Variants in RYR2 observed in about 807,000 individuals in gnomAD.
The protein encoded by RYR2 is cardiac muscle ryanodine receptor-calcium release channel.
RYR2 carries 227 observed loss-of-function variants against 601.1 expected under a neutral mutation model. The ratio of observed to expected loss-of-function variants is 0.38; its 90% confidence interval spans 0.34 to 0.42. The LOEUF (loss-of-function observed/expected upper bound fraction) is 0.42, where lower values mean the gene tolerates loss of function less well. Ranked by LOEUF, RYR2 falls within the 10% of genes least tolerant of loss-of-function variation. RYR2 has a pLI of 1.00. For synonymous variants in RYR2, 2,223 were observed against 2,175.1 expected (o/e 1.02, Z -0.61); for missense variants, 4,646 against 6,156.5 (o/e 0.75, Z 8.21).
chr1:237,563,356 A>G (rs1572886351), intron 27 of RYR2, among the ~76,000 whole-genome samples: 1 of 150,926 alleles, frequency 6.6e-6, no homozygotes, highest in East Asian at 1.9e-4. Flanking sequence ...AGTTGCAATG[A>G]GCTGAGATGG....
At chr1:237,663,522 G>A (rs1684003087) in intron 56 of RYR2, among the ~76,000 whole-genome samples, 2 of 152,218 alleles carry the variant, frequency 1.3e-5, no homozygotes, top group South Asian at 2.1e-4. Flanking sequence ...AGCCTGGGGT[G>A]ACATTCTGGT....
rs1460388193 is a variant in RYR2 at position 237,417,037 on chromosome 1, T to C, written c.774-12T>C. On this transcript the variant is annotated splice_polypyrimidine_tract_variant and intron_variant, in intron 10 of 104. Coordinates refer to ENST00000366574, the MANE Select transcript of RYR2 (RefSeq NM_001035.3). ...AACTCACATTTGGGCTTTTGTTTGT[T>C]TGTTGAAACAGAACTGTTCATTATG... The C allele has an allele frequency of 6.2e-7, 1 of 1,613,256 alleles. No individual in the cohort carries two copies. Among genetic ancestry groups the C allele is most frequent in the Admixed American group, 1.7e-5 (1 of 60,016 alleles).
intron 5 of RYR2, among the ~76,000 whole-genome samples, chr1:237,366,473 C>T (rs551395438): frequency 2.0e-5 from 3 of 152,166 alleles, no homozygotes; most frequent in Non-Finnish European, 4.4e-5. Context: ...ATGAACATAG[C>T]TCACTGCAAC....
At chr1:237,787,858 C>T (rs749073968) in intron 91 of RYR2, 130 bp from the exon 92 acceptor site, 41 of 847,580 alleles carry the variant, frequency 4.8e-5, no homozygotes, top group African/African-American at 6.9e-5. Flanking sequence ...TATCATTCAC[C>T]GGAAAAGAAA....
rs1164192660 is a variant in RYR2, at chr1:237,798,090, T to C, written c.14010T>C (p.Leu4670=). 2 of 1,611,992 alleles carry C rather than the reference T, an allele frequency of 1.2e-6. No individual in the cohort carries two copies. Among genetic ancestry groups the C allele is most frequent in the South Asian group, 1.1e-5 (1 of 90,512 alleles). Residue 4670 remains leucine, a synonymous_variant, in exon 97 of 105, where the codon CTT becomes CTC. Transcript: ENST00000366574. ...FYGRDRISEL[L]GMDKAALDFS... ...GCCGAGACAGAATCAGTGAATTACT[T>C]GGCATGGACAAGGCAGCTCTGGACT...
chr1:237,566,550 C>G lies in RYR2; in HGVS notation c.3215-17C>G. 1 of 1,609,776 alleles carries G rather than the reference C, an allele frequency of 6.2e-7. No homozygotes were observed. ...TCCCCATCCAATGACCACCAGAAAT[C>G]TCTGTCCATTTCCCAGCAGCCAGAG... On this transcript the variant is annotated splice_polypyrimidine_tract_variant and intron_variant, in intron 27 of 104. Transcript: ENST00000366574.
At chr1:237,754,924 A>C (rs904758876) in intron 80 of RYR2, 12 of 380,894 alleles carry the variant, frequency 3.2e-5, no homozygotes, top group Non-Finnish European at 5.1e-5. Flanking sequence ...CTACATATAA[A>C]GCAAAGCTGC....
At position 237,441,349 on chromosome 1, in the gene RYR2, G is replaced by A; in HGVS notation, c.1036G>A (p.Val346Ile). Residue 346 changes from valine to isoleucine, a missense_variant, in exon 13 of 105, where the codon GTA (valine) becomes ATA (isoleucine). By Grantham distance (29) the Val-to-Ile change is conservative. This residue lies in a region of RYR2 where 1,807 missense variants were observed against 2,088.1 expected (regional missense o/e 0.87). Coordinates refer to ENST00000366574, the MANE Select transcript of RYR2 (RefSeq NM_001035.3). Reference protein sequence around the residue: ...EKLDVGVRKEVDGMGTSEIKY... With the variant: ...EKLDVGVRKEIDGMGTSEIKY... ...ATTGGATGTAGGGGTGAGAAAAGAA[G>A]TAGATGGCATGGGAACATCTGAAAT... 6.2e-7 allele frequency: 1 copy of A among 1,613,754 alleles called. No individual in the cohort carries two copies. The highest frequency in any genetic ancestry group is 8.5e-7 in the Non-Finnish European group (1 of 1,179,740).
chr1:237,239,933 G>A (rs1374800118), intron 1 of RYR2, among the ~76,000 whole-genome samples: 1 of 152,186 alleles, frequency 6.6e-6, no homozygotes, highest in Non-Finnish European at 1.5e-5. Context: ...ATTCCCAGCA[G>A]GGAGGGAAGA....
intron 1 of RYR2, among the ~76,000 whole-genome samples, chr1:237,228,891 A>G (rs1287063229): frequency 6.6e-6 from 1 of 152,150 alleles, no homozygotes; most frequent in African/African-American, 2.4e-5. Flanking sequence ...CTTGACCTAG[A>G]AGCTTTGGGT....
rs763937941 is a variant in RYR2, at chr1:237,577,500, CTGTGTG to C, written c.3598+8212_3598+8217del. ...AAGAAGGAAGTAGGAGTGTGTGTTTCTGTGTGTGTGTGTGTGTGTGTGTGTGTGTGT... is the reference window on the plus strand; with the variant it reads ...AAGAAGGAAGTAGGAGTGTGTGTTTCTGTGTGTGTGTGTGTGTGTGTGTGT... On this transcript the variant is annotated intron_variant, in intron 29 of 104. Transcript: ENST00000366574. 7.5e-4 allele frequency among the ~76,000 whole-genome samples: 85 copies of C among 113,864 alleles called. 1 individual carries two copies. The highest frequency in any genetic ancestry group is 2.6e-3 in the African/African-American group (81 of 31,388). 74.7% of individuals were successfully genotyped at this position (113,864 alleles called of 152,430 possible). A position where few individuals can be genotyped will look rare whatever the true frequency, so the allele number is the denominator to read the frequency against.
chr1:237,137,331 C>T (rs979343006), intron 1 of RYR2, among the ~76,000 whole-genome samples: 12 of 152,062 alleles, frequency 7.9e-5, no homozygotes, highest in Non-Finnish European at 1.3e-4. Context: ...GGGCTGACCT[C>T]TAGTTCTCTA....
chr1:237,805,293 A>C (rs1000010878), intron 98 of RYR2, among the ~76,000 whole-genome samples: 3 of 152,178 alleles, frequency 2.0e-5, no homozygotes, highest in Non-Finnish European at 4.4e-5. Context: ...GTAAAAATGT[A>C]TAGTGAGCCA....
At chr1:237,050,807 C>G (rs1661165137) in intron 1 of RYR2, among the ~76,000 whole-genome samples, 1 of 152,264 alleles carries the variant, frequency 6.6e-6, no homozygotes, top group Non-Finnish European at 1.5e-5. Context: ...GAACAGCACA[C>G]TGAGGTGATA....
chr1:237,056,230 G>GCACTGCACCTGTGAGGACTGGAA (rs1272915439), intron 1 of RYR2, among the ~76,000 whole-genome samples: 1 of 149,804 alleles, frequency 6.7e-6, no homozygotes, highest in Non-Finnish European at 1.5e-5. Flanking sequence ...GAGGACTGGA[G>GCACTGCACCTGTGAGGACTGGAA]CACTGCACCT....
intron 2 of RYR2, among the ~76,000 whole-genome samples, chr1:237,296,987 C>A (rs1163187950): frequency 1.3e-5 from 2 of 152,180 alleles, no homozygotes; most frequent in East Asian, 3.9e-4. Context: ...TTAGTGGTAA[C>A]TCTATTTTGT....
chr1:237,107,536 AGG>A (rs1433342264), intron 1 of RYR2, among the ~76,000 whole-genome samples: 1,258 of 145,310 alleles, frequency 8.7e-3, no homozygotes, highest in South Asian at 0.011. Flanking sequence ...AAAAAAAAAA[AGG>A]AAACATTGTA....
intron 12 of RYR2, among the ~76,000 whole-genome samples, chr1:237,432,581 C>T (rs1049086839): frequency 6.6e-6 from 1 of 152,102 alleles, no homozygotes; most frequent in African/African-American, 2.4e-5. Context: ...CATGTCCTAA[C>T]TTGAGCTTTC....
At chr1:237,192,448 C>A (rs1051542567) in intron 1 of RYR2, among the ~76,000 whole-genome samples, 1 of 152,206 alleles carries the variant, frequency 6.6e-6, no homozygotes, top group Non-Finnish European at 1.5e-5. Context: ...CTCCTGACTT[C>A]AGGTGATCCA....
Sources: allele counts gnomAD v4.1 joint callset (sites outside exome capture counted in the v4.1 genomes callset), GRCh38; gene constraint gnomAD v4.1.1; regional missense constraint gnomAD v4.1.1; transcripts MANE v1.5; gene names NCBI Gene and HGNC (gene_info 2026-07-23, HGNC 2026-07-21).